ACOT11: variants seen among roughly 807,000 people sequenced by gnomAD.
ACOT11 encodes acyl-coenzyme A thioesterase 11.
In ACOT11, 69 loss-of-function variants were observed where a neutral mutation model predicts 77.5. That is an observed-to-expected ratio of 0.89 (90% CI 0.73 to 1.09). The LOEUF (loss-of-function observed/expected upper bound fraction) is 1.09, where lower values mean the gene tolerates loss of function less well. Among genes scored for constraint, ACOT11 ranks in the 50% least tolerant of loss-of-function variants. The pLI, the probability that ACOT11 is intolerant of heterozygous loss-of-function variation, is 0.00. For missense variants in ACOT11, 766 were observed against 813.7 expected (o/e 0.94, Z 0.71); for synonymous variants, 279 against 313.0 (o/e 0.89, Z 1.15).
rs551901825 is a variant in ACOT11, at chr1:54,609,652, C to T, written c.*540C>T. 3.1e-6 allele frequency: 5 copies of T among 1,614,036 alleles called. No individual in the cohort carries two copies. In the Admixed American group the frequency reaches 8.3e-5, roughly 27 times the overall value. The stretch of plus-strand genomic sequence containing the variant: ...CAGCTGTAAGCAGCTCTCTGCCAGC[C>T]ACATGGCCGGGGACCGAAAAACTCC... On this transcript the variant is annotated 3_prime_UTR_variant, in exon 16 of 16. Coordinates refer to ENST00000343744, the MANE Select transcript of ACOT11 (RefSeq NM_147161.4).
chr1:54,551,144 A>G (rs1417312995), intron 1 of ACOT11, among the ~76,000 whole-genome samples: 64 of 151,530 alleles, frequency 4.2e-4, no homozygotes, highest in Non-Finnish European at 6.9e-4. Flanking sequence ...AAAAAAAAAA[A>G]AAAAAGAAAA....
At chr1:54,616,639 C>T (rs557014375) in intron 15 of ACOT11, among the ~76,000 whole-genome samples, 1 of 152,264 alleles carries the variant, frequency 6.6e-6, no homozygotes, top group South Asian at 2.1e-4. Flanking sequence ...TCCCAAAGTG[C>T]TGGGATTACA....
chr1:54,605,924 A>C lies in ACOT11; in HGVS notation c.1370+715A>C, dbSNP rs566882433. On this transcript the variant is annotated intron_variant, in intron 13 of 15. Coordinates refer to ENST00000343744, the MANE Select transcript of ACOT11 (RefSeq NM_147161.4). ...CACCGGGGCTCGAGGGGGTTCTTTG[A>C]TAATTGCTTGTTATGAGGAGCCTAC... 5.1e-4 allele frequency among the ~76,000 whole-genome samples: 78 copies of C among 152,192 alleles called. 1 individual carries two copies. The highest frequency in any genetic ancestry group is 1.9e-3 in the African/African-American group (78 of 41,522).
chr1:54,599,367 G>T lies in ACOT11; in HGVS notation c.836G>T (p.Gly279Val), dbSNP rs1183396415. 6.2e-7 allele frequency: 1 copy of T among 1,608,564 alleles called. No individual in the cohort carries two copies. Reference protein sequence around the residue: ...MFHFRGPSQVGDRLVLKAIVN... With the variant: ...MFHFRGPSQVVDRLVLKAIVN... ...CACTTCCGAGGCCCGTCCCAGGTCG[G>T]CGACCGTCTGGTGCTCAAAGCCATC... Residue 279 changes from glycine (G) to valine (V), a missense_variant, in exon 8 of 16, where the codon GGC (glycine) becomes GTC (valine). Physicochemically the swap from Gly to Val is moderately radical, Grantham distance 109. Coordinates refer to ENST00000343744, the MANE Select transcript of ACOT11 (RefSeq NM_147161.4).
intron 1 of ACOT11, among the ~76,000 whole-genome samples, chr1:54,567,425 C>T (rs1653773756): frequency 1.3e-5 from 2 of 151,978 alleles, no homozygotes; most frequent in Non-Finnish European, 1.5e-5. Context: ...ATTATAGGCA[C>T]CTACCACCAC....
chr1:54,594,143 G>A, intron 5 of ACOT11, 104 bp downstream of exon 5: 1 of 1,002,192 alleles, frequency 1.0e-6, no homozygotes, highest in South Asian at 1.5e-5. Context: ...CAGAGGGGAT[G>A]GGGAGGGACA....
At chr1:54,621,200 T>C (rs1423788895) in intron 15 of ACOT11, among the ~76,000 whole-genome samples, 2 of 150,480 alleles carry the variant, frequency 1.3e-5, no homozygotes, top group Non-Finnish European at 2.9e-5. Flanking sequence ...CTGACGCCTG[T>C]AATCCCAGCA....
downstream of ACOT11, chr1:54,610,524 C>T (rs58464768): frequency 0.011 from 18,210 of 1,613,256 alleles, 1,244 homozygotes; most frequent in African/African-American, 0.16. Context: ...GGCTGCCTCC[C>T]GTGTAGTACA....
chr1:54,613,391 CT>C (rs1218346404), downstream of ACOT11, among the ~76,000 whole-genome samples: 2 of 151,204 alleles, frequency 1.3e-5, no homozygotes, highest in Non-Finnish European at 3.0e-5. Context: ...AAAAAAAAAA[CT>C]TTTTTTCCTG....
intron 1 of ACOT11, among the ~76,000 whole-genome samples, chr1:54,570,014 T>C (rs1258566658): frequency 2.0e-5 from 3 of 152,208 alleles, no homozygotes; most frequent in Non-Finnish European, 4.4e-5. Context: ...TCTGGGTCTA[T>C]GCAAATGCAA....
chr1:54,568,546 T>C (rs1653818274), intron 1 of ACOT11, among the ~76,000 whole-genome samples: 1 of 151,858 alleles, frequency 6.6e-6, no homozygotes, highest in Non-Finnish European at 1.5e-5. Flanking sequence ...GTATCTTTAG[T>C]AGAGACGGGG....
Position 54,609,427 on chromosome 1 carries a change from G to C in ACOT11, c.*315G>C. On this transcript the variant is annotated 3_prime_UTR_variant, in exon 16 of 16. Transcript: ENST00000343744. ...TGTGCTCCACTGTGACGGTGGCCCGGGGGGAGGATGCCAGCAGCCTGCCTA... is the reference window on the plus strand; with the variant it reads ...TGTGCTCCACTGTGACGGTGGCCCGCGGGGAGGATGCCAGCAGCCTGCCTA... 6.2e-7 allele frequency: 1 copy of C among 1,613,846 alleles called. No individual in the cohort carries two copies. The highest frequency in any genetic ancestry group is 8.5e-7 in the Non-Finnish European group (1 of 1,180,018).
Position 54,607,909 on chromosome 1 carries a change from C to A in ACOT11, c.1503-33C>A. ...GGCCCCCACTTTCTTCTGTGGCTGA[C>A]CCCTGTCCCCTTGCTACCCTTCCTT... On this transcript the variant is annotated intron_variant, in intron 14 of 15. Transcript: ENST00000343744. This position sits in a 1 kb window ranked among gnomAD's most constrained non-coding sequence, Gnocchi z 4.5. The A allele has an allele frequency of 3.7e-6, 6 of 1,612,644 alleles. No individual in the cohort carries two copies. Among genetic ancestry groups the A allele is most frequent in the Non-Finnish European group, 5.1e-6 (6 of 1,179,250 alleles).
At chr1:54,583,283 G>A (rs559173668) in intron 1 of ACOT11, among the ~76,000 whole-genome samples, 5 of 152,260 alleles carry the variant, frequency 3.3e-5, no homozygotes, top group South Asian at 2.1e-4. Flanking sequence ...CCCATAAGCC[G>A]TTCTGGGTCA....
intron 11 of ACOT11, 132 bp from the exon 12 acceptor site, chr1:54,604,214 C>A: frequency 1.3e-6 from 1 of 785,214 alleles, no homozygotes; most frequent in Non-Finnish European, 2.1e-6. Context: ...CTTTCCACAG[C>A]ACCTGCCGCA....
At chr1:54,554,333 G>A (rs59286731) in intron 1 of ACOT11, among the ~76,000 whole-genome samples, 47,092 of 95,602 alleles carry the variant, frequency 0.49, 10,212 homozygotes, top group Non-Finnish European at 0.52. Context: ...GTGTGTGTGT[G>A]TATATATATA....
At chr1:54,611,420 A>G (rs567497761), downstream of ACOT11, among the ~76,000 whole-genome samples, 1 of 152,234 alleles carries the variant, frequency 6.6e-6, no homozygotes, top group African/African-American at 2.4e-5. Flanking sequence ...ATAAATAAAA[A>G]TAAAATGGAT....
intron 3 of ACOT11, among the ~76,000 whole-genome samples, chr1:54,587,016 C>T (rs1186531212): frequency 1.3e-5 from 2 of 152,152 alleles, no homozygotes; most frequent in African/African-American, 4.8e-5. Flanking sequence ...GAAGATTGGC[C>T]AGTCCCTGTA....
At chr1:54,618,693 G>A (rs2101023210) in intron 15 of ACOT11, among the ~76,000 whole-genome samples, 1 of 152,184 alleles carries the variant, frequency 6.6e-6, no homozygotes, top group South Asian at 2.1e-4. Flanking sequence ...CAGGAGGGAA[G>A]GGGACATGGA....
Sources: allele counts gnomAD v4.1 joint callset (sites outside exome capture counted in the v4.1 genomes callset), GRCh38; gene constraint gnomAD v4.1.1; non-coding constraint Gnocchi (gnomAD v3.1); transcripts MANE v1.5; gene names NCBI Gene and HGNC (gene_info 2026-07-23, HGNC 2026-07-21).